Variants in PCDH15 observed in about 807,000 individuals in gnomAD.
PCDH15 encodes protocadherin-15.
PCDH15 carries 129 observed loss-of-function variants against 178.5 expected under a neutral mutation model. The ratio of observed to expected loss-of-function variants is 0.72; its 90% confidence interval spans 0.63 to 0.84. The LOEUF (loss-of-function observed/expected upper bound fraction) is 0.84. Ranked by LOEUF, PCDH15 falls within the 40% of genes least tolerant of loss-of-function variation. The pLI, the probability that PCDH15 is intolerant of heterozygous loss-of-function variation, is 0.00. For missense variants in PCDH15, 2,230 were observed against 2,099.9 expected, an observed-to-expected ratio of 1.06 and a Z score of -1.21; for synonymous variants, 800 against 732.0, an observed-to-expected ratio of 1.09 and a Z score of -1.50.
At position 55,020,522 on chromosome 10, in the gene PCDH15, T is replaced by C. The variant is rs112830675; in HGVS notation, c.-79-123022A>G. Among the ~76,000 whole-genome samples, 972 of 152,192 alleles carry C rather than the reference T, an allele frequency of 6.4e-3. 13 individuals carry two copies. Among genetic ancestry groups the C allele is most frequent in the African/African-American group, 0.023 (945 of 41,540 alleles). On this transcript the variant is annotated intron_variant, in intron 2 of 5. Transcript: ENST00000458638. ...AGCAAAACAAAGGGAAAAACAGATA[T>C]ATGGTTAAGGGATTTATTTGTTAAT...
chr10:54,619,435 T>A (rs141060178), intron 2 of PCDH15: 1 of 152,194 alleles, frequency 6.6e-6, no homozygotes, highest in African/African-American at 2.4e-5. Flanking sequence ...TCTCAAAGGC[T>A]GAAGGAAGAA....
chr10:55,405,283 G>GAT (rs72121105), intron 2 of PCDH15, among the ~76,000 whole-genome samples: 4,127 of 107,946 alleles, frequency 0.038, 246 homozygotes, highest in African/African-American at 0.1. Flanking sequence ...TGAGGTAACA[G>GAT]ATATATATAT....
chr10:53,976,354 A>C (rs1485284348), intron 21 of PCDH15, among the ~76,000 whole-genome samples: 2 of 152,184 alleles, frequency 1.3e-5, no homozygotes, highest in African/African-American at 4.8e-5. Flanking sequence ...ATAAAAAATG[A>C]AAAAGCTCAC....
intron 8 of PCDH15, among the ~76,000 whole-genome samples, chr10:54,238,572 C>A (rs910205946): frequency 2.0e-5 from 3 of 151,216 alleles, no homozygotes; most frequent in African/African-American, 7.3e-5. Flanking sequence ...CACGAAAATA[C>A]CAAATAAATA....
At chr10:54,950,305 C>T (rs1303392097) in intron 2 of PCDH15, among the ~76,000 whole-genome samples, 1 of 151,908 alleles carries the variant, frequency 6.6e-6, no homozygotes, top group African/African-American at 2.4e-5. Context: ...TGTGTCTCCA[C>T]CCAAATCTCA....
At chr10:54,211,657 T>G (rs1267069339) in intron 10 of PCDH15, among the ~76,000 whole-genome samples, 5 of 152,246 alleles carry the variant, frequency 3.3e-5, no homozygotes, top group Admixed American at 3.3e-4. Context: ...GACTTCATTT[T>G]ATTTTTTCTC....
chr10:55,502,431 T>C (rs1264603203), intron 2 of PCDH15, among the ~76,000 whole-genome samples: 6 of 151,710 alleles, frequency 4.0e-5, no homozygotes, highest in African/African-American at 1.4e-4. Flanking sequence ...GAAATACTTC[T>C]AGTATACACT....
At chr10:53,898,268 C>T (rs1484384213) in intron 26 of PCDH15, among the ~76,000 whole-genome samples, 3 of 152,052 alleles carry the variant, frequency 2.0e-5, no homozygotes, top group Admixed American at 2.0e-4. Context: ...CACCCGGCCC[C>T]ATATGGGTTG....
At chr10:55,017,425 G>A (rs1378456980) in intron 2 of PCDH15, among the ~76,000 whole-genome samples, 2 of 152,062 alleles carry the variant, frequency 1.3e-5, no homozygotes, top group Admixed American at 1.3e-4. Context: ...TATATGTTGA[G>A]CAACTTTTTC....
At chr10:54,160,607 A>G (rs1335727756) in intron 13 of PCDH15, among the ~76,000 whole-genome samples, 1 of 152,176 alleles carries the variant, frequency 6.6e-6, no homozygotes, top group Non-Finnish European at 1.5e-5. Flanking sequence ...TAAGAACATG[A>G]TACATAAAAT....
chr10:55,129,725 T>G (rs2132076136), intron 2 of PCDH15, among the ~76,000 whole-genome samples: 1 of 152,258 alleles, frequency 6.6e-6, no homozygotes, highest in Non-Finnish European at 1.5e-5. Flanking sequence ...TAATTTTATT[T>G]ATTTACTTGA....
intron 2 of PCDH15, among the ~76,000 whole-genome samples, chr10:55,516,754 A>G (rs932336008): frequency 1.6e-4 from 25 of 152,156 alleles, no homozygotes; most frequent in African/African-American, 6.0e-4. Flanking sequence ...CTTGATATTT[A>G]GTGCTTTGTG....
At chr10:54,025,302 G>A (rs575982337) in intron 18 of PCDH15, among the ~76,000 whole-genome samples, 1 of 152,234 alleles carries the variant, frequency 6.6e-6, no homozygotes, top group East Asian at 1.9e-4. Flanking sequence ...AAAAATTCAA[G>A]ATGGTCTCAC....
At chr10:54,459,699 T>C (rs2077052330) in intron 3 of PCDH15, among the ~76,000 whole-genome samples, 1 of 152,148 alleles carries the variant, frequency 6.6e-6, no homozygotes, top group South Asian at 2.1e-4. Context: ...AATTTCTATA[T>C]GTAATCATAA....
At chr10:54,842,842 C>G (rs1953442371) in intron 3 of PCDH15, among the ~76,000 whole-genome samples, 1 of 151,858 alleles carries the variant, frequency 6.6e-6, no homozygotes. Context: ...TGTTTAATAG[C>G]AAGCAGCTTT....
At chr10:54,776,393 A>G (rs765043998) in intron 1 of PCDH15, among the ~76,000 whole-genome samples, 2 of 152,040 alleles carry the variant, frequency 1.3e-5, no homozygotes, top group Non-Finnish European at 2.9e-5. Flanking sequence ...ATCTAGAAGC[A>G]CTGTTTATAT....
At chr10:54,868,528 C>CG (rs1564585792) in intron 3 of PCDH15, among the ~76,000 whole-genome samples, 1 of 152,096 alleles carries the variant, frequency 6.6e-6, no homozygotes, top group African/African-American at 2.4e-5. Context: ...CTAGGTGCTT[C>CG]ATCAGATCAC....
At chr10:54,073,751 G>C (rs921248663) in intron 17 of PCDH15, among the ~76,000 whole-genome samples, 5 of 152,060 alleles carry the variant, frequency 3.3e-5, no homozygotes, top group African/African-American at 1.2e-4. Context: ...CTGAACACAC[G>C]GAATCTGGTC....
At chr10:54,481,573 T>A (rs1358668038) in intron 3 of PCDH15, among the ~76,000 whole-genome samples, 1 of 151,794 alleles carries the variant, frequency 6.6e-6, no homozygotes, top group African/African-American at 2.4e-5. Flanking sequence ...TACATTTTAA[T>A]TGGGGTCTCA....
Sources: gnomAD v4.1 joint callset for allele counts (sites outside exome capture counted in the v4.1 genomes callset) on GRCh38, gnomAD v4.1.1 for gene constraint, MANE v1.5 for transcripts, NCBI Gene and HGNC (gene_info 2026-07-23, HGNC 2026-07-21) for gene names.